SLC44A1: variants seen among roughly 807,000 people sequenced by gnomAD.
SLC44A1 encodes the protein choline transporter-like protein 1.
SLC44A1 carries 26 observed loss-of-function variants against 79.3 expected under a neutral mutation model. The ratio of observed to expected loss-of-function variants is 0.33; its 90% CI spans 0.24 to 0.46. The LOEUF is 0.46. SLC44A1 is among the 20% of genes least tolerant of loss of function. SLC44A1 has a pLI of 1.00. For missense variants in SLC44A1, 688 were observed against 798.1 expected, an observed-to-expected ratio of 0.86 and a Z score of 1.66; for synonymous variants, 263 against 286.2, an observed-to-expected ratio of 0.92 and a Z score of 0.82.
At chr9:105,312,075 TC>T (rs1382620947) in intron 3 of SLC44A1, among the ~76,000 whole-genome samples, 1 of 152,186 alleles carries the variant, frequency 6.6e-6, no homozygotes, top group East Asian at 1.9e-4. Context: ...TTTCTCCTGT[TC>T]CTTACTGTCA....
At chr9:105,408,266 G>A (rs1473354348) in intron 15 of SLC44A1, among the ~76,000 whole-genome samples, 2 of 152,020 alleles carry the variant, frequency 1.3e-5, no homozygotes, top group Admixed American at 1.3e-4. Context: ...AAATGCTAAG[G>A]GAAATTATTC....
intron 2 of SLC44A1, among the ~76,000 whole-genome samples, chr9:105,302,969 A>G (rs1830920178): frequency 6.6e-6 from 1 of 152,192 alleles, no homozygotes; most frequent in African/African-American, 2.4e-5. Flanking sequence ...GGAGAGGAAG[A>G]GAGAGATTGA....
intron 12 of SLC44A1, among the ~76,000 whole-genome samples, chr9:105,372,478 C>CG (rs1828134386): frequency 6.6e-6 from 1 of 151,712 alleles, no homozygotes; most frequent in African/African-American, 2.4e-5. Context: ...TCAGTTGAGA[C>CG]GGGGTTTCAC....
At chr9:105,325,808 A>G (rs984121326) in intron 3 of SLC44A1, among the ~76,000 whole-genome samples, 1 of 152,236 alleles carries the variant, frequency 6.6e-6, no homozygotes, top group East Asian at 1.9e-4. Flanking sequence ...GGGGGTGACA[A>G]AAGGTTCTAA....
At chr9:105,276,620 A>C (rs3222252) in intron 1 of SLC44A1, among the ~76,000 whole-genome samples, 1 of 58,566 alleles carries the variant, frequency 1.7e-5, no homozygotes, top group Non-Finnish European at 3.8e-5. Flanking sequence ...GTGTGTGTGT[A>C]TGTGCCTGCA....
In SLC44A1 at chr9:105,389,284, G is replaced by C; in HGVS notation, c.*228G>C. The C allele has an allele frequency of 8.3e-7, 1 of 1,207,622 alleles. No homozygotes were observed. The highest frequency in any genetic ancestry group is 1.0e-6 in the Non-Finnish European group (1 of 971,144). 74.8% of individuals were successfully genotyped at this position (1,207,622 alleles called of 1,614,324 possible). On this transcript the variant is annotated 3_prime_UTR_variant, in exon 16 of 16. Transcript: ENST00000374720. ...AACATGTACTCCTTTCATACGGGTGGCTTTTACAAGGCAACTTCCGTCATT... is the reference window on the plus strand; with the variant it reads ...AACATGTACTCCTTTCATACGGGTGCCTTTTACAAGGCAACTTCCGTCATT...
chr9:105,392,430 T>TTTTTA lies in SLC44A1; in HGVS notation c.*3374_*3375insTTTTA. Reference sequence around the variant, plus strand: ...TTTTTTTTTTTTTTTTTTTTTTTTTTCCGTGAGGGCATTAGGCTGCTGATT... The same window carrying TTTTTA: ...TTTTTTTTTTTTTTTTTTTTTTTTTTTTTTACCGTGAGGGCATTAGGCTGCTGATT... On this transcript the variant is annotated 3_prime_UTR_variant, in exon 16 of 16. Coordinates refer to ENST00000374720, the MANE Select transcript of SLC44A1 (RefSeq NM_080546.5). The TTTTTA allele has an allele frequency of 1.2e-6, 1 of 854,684 alleles. No individual in the cohort carries two copies. Among genetic ancestry groups the TTTTTA allele is most frequent in the Non-Finnish European group, 1.4e-6 (1 of 740,348 alleles). The allele number at this position is 854,684 out of a possible 1,614,324, so 52.9% of individuals were successfully genotyped here.
chr9:105,328,021 T>TTATTCTCGTTTCCTGAAACAGTATTA (rs1384987335), intron 3 of SLC44A1, among the ~76,000 whole-genome samples: 1 of 152,216 alleles, frequency 6.6e-6, no homozygotes, highest in East Asian at 1.9e-4. Context: ...AACGAGAGTA[T>TTATTCTCGTTTCCTGAAACAGTATTA]TTCTCTGTTC....
At chr9:105,271,508 C>T (rs1423834713) in intron 1 of SLC44A1, among the ~76,000 whole-genome samples, 1 of 152,180 alleles carries the variant, frequency 6.6e-6, no homozygotes, top group Non-Finnish European at 1.5e-5. Flanking sequence ...CGAGCAAACA[C>T]ATAGAAGTGT....
At chr9:105,264,577 A>T (rs1325684513) in intron 1 of SLC44A1, among the ~76,000 whole-genome samples, 1 of 152,150 alleles carries the variant, frequency 6.6e-6, no homozygotes, top group African/African-American at 2.4e-5. Flanking sequence ...TCTACTGTCT[A>T]CCCAGCTTTC....
chr9:105,282,529 A>G (rs993278938), intron 1 of SLC44A1, among the ~76,000 whole-genome samples: 26 of 152,098 alleles, frequency 1.7e-4, no homozygotes, highest in African/African-American at 6.3e-4. Context: ...CTTGCTTCTT[A>G]ATAATAGATT....
chr9:105,272,479 G>A (rs180672549), intron 1 of SLC44A1, among the ~76,000 whole-genome samples: 225 of 151,836 alleles, frequency 1.5e-3, no homozygotes, highest in Non-Finnish European at 2.5e-3. Flanking sequence ...AGAGAACTGC[G>A]TGTGTCCCTC....
At chr9:105,402,945 G>A (rs1828976502) in intron 15 of SLC44A1, among the ~76,000 whole-genome samples, 1 of 146,662 alleles carries the variant, frequency 6.8e-6, no homozygotes, top group Non-Finnish European at 1.5e-5. Context: ...TAGAATAGCT[G>A]AGACTACAGG....
rs893947030 is a variant in SLC44A1, at chr9:105,392,155, G to A, written c.*3099G>A. On this transcript the variant is annotated 3_prime_UTR_variant, in exon 16 of 16. Coordinates refer to ENST00000374720, the MANE Select transcript of SLC44A1 (RefSeq NM_080546.5). ...CACTGAGATTGTATAATCCTTGCAT[G>A]GATGAGCAGAGCTCAAAGCCAGTTG... The A allele has an allele frequency of 4.1e-6, 4 of 985,196 alleles. No individual in the cohort carries two copies. Among genetic ancestry groups the A allele is most frequent in the Non-Finnish European group, 4.8e-6 (4 of 829,722 alleles). 61.0% of individuals were successfully genotyped at this position (985,196 alleles called of 1,614,324 possible).
intron 5 of SLC44A1, among the ~76,000 whole-genome samples, chr9:105,355,167 A>G (rs1439178176): frequency 6.6e-6 from 1 of 152,274 alleles, no homozygotes; most frequent in East Asian, 1.9e-4. Context: ...GGACATACAT[A>G]TGGCTCTCAT....
chr9:105,314,628 G>A (rs1831271205), intron 3 of SLC44A1, among the ~76,000 whole-genome samples: 1 of 152,124 alleles, frequency 6.6e-6, no homozygotes, highest in Non-Finnish European at 1.5e-5. Context: ...CACTGATAAA[G>A]TCTCCATTGC....
chr9:105,340,518 A>G (rs1827055765), intron 4 of SLC44A1, among the ~76,000 whole-genome samples: 1 of 152,214 alleles, frequency 6.6e-6, no homozygotes, highest in Non-Finnish European at 1.5e-5. Context: ...CTTACAAATG[A>G]TTAAGATAGT....
At chr9:105,385,886 G>A in intron 15 of SLC44A1, 1 of 985,188 alleles carries the variant, frequency 1.0e-6, no homozygotes, top group Non-Finnish European at 1.2e-6. Context: ...TATCATTTTG[G>A]AAGGTGATCA....
At chr9:105,271,445 A>G (rs1484315449) in intron 1 of SLC44A1, among the ~76,000 whole-genome samples, 1 of 152,218 alleles carries the variant, frequency 6.6e-6, no homozygotes, top group Non-Finnish European at 1.5e-5. Context: ...TAAAGGATGA[A>G]TAATGACTTC....
Sources: gnomAD v4.1 joint callset for allele counts (sites outside exome capture counted in the v4.1 genomes callset) on GRCh38, gnomAD v4.1.1 for gene constraint, MANE v1.5 for transcripts, NCBI Gene and HGNC (gene_info 2026-07-23, HGNC 2026-07-21) for gene names.